ZNF721: variants seen among roughly 807,000 people sequenced by gnomAD.
ZNF721 encodes zinc finger protein 721.
Under a neutral mutation model 2.4 loss-of-function variants are expected in ZNF721, and 2 were observed. The observed-to-expected ratio is 0.82, with a 90% CI of 0.34 to 2.58. The LOEUF (loss-of-function observed/expected upper bound fraction) is 2.58, where lower values mean the gene tolerates loss of function less well. ZNF721 is among the 30% of genes most tolerant of loss of function. The pLI is 0.11. For missense variants in ZNF721, 1,187 were observed against 1,085.5 expected, an observed-to-expected ratio of 1.09 and a Z score of -1.31; for synonymous variants, 398 against 381.8, an observed-to-expected ratio of 1.04 and a Z score of -0.50.
chr4:464,497 G>GA (rs1482861882), intron 2 of ZNF721, among the ~76,000 whole-genome samples: 1 of 146,306 alleles, frequency 6.8e-6, no homozygotes, highest in African/African-American at 2.5e-5. Flanking sequence ...AAAGTCATTT[G>GA]AAAGTTCCTA....
intron 2 of ZNF721, among the ~76,000 whole-genome samples, chr4:454,549 C>G (rs1287587652): frequency 6.6e-6 from 1 of 152,164 alleles, no homozygotes; most frequent in Non-Finnish European, 1.5e-5. Context: ...CAATCACTCT[C>G]CTTGCAAAGC....
At chr4:458,706 C>T (rs938891729) in intron 2 of ZNF721, among the ~76,000 whole-genome samples, 2 of 152,034 alleles carry the variant, frequency 1.3e-5, no homozygotes, top group African/African-American at 2.4e-5. Context: ...ATTAGCAGGG[C>T]GTGGTGGCAT....
At chr4:469,760 A>G (rs1560236972) in intron 2 of ZNF721, among the ~76,000 whole-genome samples, 1 of 152,236 alleles carries the variant, frequency 6.6e-6, no homozygotes, top group Non-Finnish European at 1.5e-5. Context: ...AGAGCCCAGA[A>G]ACAAATCCAT....
intron 1 of ZNF721, among the ~76,000 whole-genome samples, chr4:477,333 G>A (rs1715651714): frequency 7.1e-6 from 1 of 140,050 alleles, no homozygotes; most frequent in South Asian, 2.3e-4. Context: ...CGCCTCCTGG[G>A]TTCATGCCAT....
chr4:485,678 G>T (rs1158319113), intron 1 of ZNF721, among the ~76,000 whole-genome samples: 1 of 152,136 alleles, frequency 6.6e-6, no homozygotes, highest in African/African-American at 2.4e-5. Context: ...CCATTGCCTG[G>T]GTCTCACTCT....
chr4:466,786 C>A (rs1553866817), intron 2 of ZNF721, among the ~76,000 whole-genome samples: 1 of 152,182 alleles, frequency 6.6e-6, no homozygotes, highest in African/African-American at 2.4e-5. Context: ...CCAGTCACCT[C>A]CCACCAGGCC....
intron 2 of ZNF721, among the ~76,000 whole-genome samples, chr4:447,659 T>C (rs1347589785): frequency 4.6e-5 from 7 of 152,152 alleles, no homozygotes; most frequent in African/African-American, 1.4e-4. Context: ...CAGGAGTCAC[T>C]TGAGATGTAA....
intron 1 of ZNF721, among the ~76,000 whole-genome samples, chr4:491,223 C>T (rs1265154726): frequency 2.0e-5 from 3 of 151,974 alleles, no homozygotes; most frequent in African/African-American, 4.8e-5. Context: ...GTCAGAAGTT[C>T]GAGACCAGCC....
intron 1 of ZNF721, among the ~76,000 whole-genome samples, chr4:481,409 C>T (rs1553869437): frequency 6.6e-6 from 1 of 152,096 alleles, no homozygotes; most frequent in African/African-American, 2.4e-5. Context: ...ATTGTGCTTT[C>T]CATTTCTCTC....
intron 2 of ZNF721, among the ~76,000 whole-genome samples, chr4:459,946 A>G (rs1382986740): frequency 1.3e-5 from 2 of 152,198 alleles, no homozygotes; most frequent in African/African-American, 4.8e-5. Context: ...AGATTCATAA[A>G]GCAAGTTTTT....
Position 443,786 on chromosome 4 carries a change from C to G in ZNF721, c.681G>C (p.Gly227=). The change falls in exon 3 of 3, where the codon GGG becomes GGC. Residue 227 remains glycine, a synonymous_variant. Coordinates refer to ENST00000511833, the MANE Select transcript of ZNF721 (RefSeq NM_133474.4). ...GDKPYKCKEC[G]KAFMHSSHLN... is the part of the protein sequence containing the mutation. ...GGTGTGAGGAATGCATAAAGGCTTT[C>G]CCACATTCTTTACATTTGTAGGGTT... 5.0e-6 allele frequency: 8 copies of G among 1,613,228 alleles called. No homozygotes were observed. In the African/African-American group the frequency reaches 5.4e-5, roughly 11 times the overall value.
intron 1 of ZNF721, among the ~76,000 whole-genome samples, chr4:480,831 G>C (rs961832861): frequency 7.1e-6 from 1 of 140,576 alleles, no homozygotes. Context: ...TGTGGGGGGG[G>C]GGGGAATGCT....
chr4:483,814 CATTT>C (rs1449503598), intron 1 of ZNF721, among the ~76,000 whole-genome samples: 1 of 151,880 alleles, frequency 6.6e-6, no homozygotes, highest in Non-Finnish European at 1.5e-5. Flanking sequence ...TAGCAATGTT[CATTT>C]GTTTGTTTGT....
intron 2 of ZNF721, among the ~76,000 whole-genome samples, chr4:468,205 T>C (rs1210016001): frequency 6.6e-6 from 1 of 151,100 alleles, no homozygotes; most frequent in Admixed American, 6.6e-5. Context: ...AGGCGGAGCT[T>C]GCAGTGAGCT....
chr4:443,838 T>G lies in ZNF721; in HGVS notation c.629A>C (p.Glu210Ala), dbSNP rs182954427. 520 of 1,613,992 alleles carry G rather than the reference T, an allele frequency of 3.2e-4. No homozygotes were observed. Among genetic ancestry groups the G allele is most frequent in the Non-Finnish European group, 4.1e-4 (480 of 1,179,916 alleles). Residue 210 changes from glutamate (E) to alanine (A), a missense_variant, in exon 3 of 3, where the codon GAA becomes GCA. Physicochemically the swap from Glu to Ala is moderately radical, Grantham distance 107. Coordinates refer to ENST00000511833, the MANE Select transcript of ZNF721 (RefSeq NM_133474.4). ...RAFGWSTNLN[E>A]YKKIHTGDKP... is the part of the protein sequence containing the mutation. ...ATCTCCAGTATGAATTTTCTTATAT[T>G]CATTCAGGTTTGTGGACCATCCAAA...
In ZNF721 at chr4:442,056, G is replaced by A. The variant is rs542073111; in HGVS notation, c.2411C>T (p.Thr804Ile). 1.1e-5 allele frequency: 17 copies of A among 1,613,948 alleles called. No individual in the cohort carries two copies. The South Asian group carries it at 1.5e-4, about 15-fold the overall frequency. Residue 804 changes from threonine to isoleucine, a missense_variant, in exon 3 of 3, where the codon ACA (threonine) becomes ATA (isoleucine). Transcript: ENST00000511833. Reference protein sequence around the residue: ...SSFAKHKRIHTGEKPFKCLEC... With the variant: ...SSFAKHKRIHIGEKPFKCLEC... Reference sequence around the variant, plus strand: ...TAAACATTTAAAGGGTTTCTCACCTGTATGAATCCTCTTATGTTTAGCAAA... The same window carrying A: ...TAAACATTTAAAGGGTTTCTCACCTATATGAATCCTCTTATGTTTAGCAAA...
chr4:452,002 G>A (rs551184021), intron 2 of ZNF721, among the ~76,000 whole-genome samples: 8 of 152,188 alleles, frequency 5.3e-5, no homozygotes, highest in African/African-American at 1.4e-4. Context: ...GTAATTTCCC[G>A]GTATAGATGG....
At chr4:474,124 G>T in intron 1 of ZNF721, 1 of 1,068,348 alleles carries the variant, frequency 9.4e-7, no homozygotes, top group Non-Finnish European at 1.3e-6. Context: ...GGCCCTAACC[G>T]AGCTCAGGCT....
chr4:446,745 G>A (rs1714488442), intron 2 of ZNF721, among the ~76,000 whole-genome samples: 1 of 151,332 alleles, frequency 6.6e-6, no homozygotes, highest in African/African-American at 2.4e-5. Flanking sequence ...CCAGGCTGGA[G>A]TGCAGCAGCA....
Sources: gnomAD v4.1 joint callset for allele counts (sites outside exome capture counted in the v4.1 genomes callset) on GRCh38, gnomAD v4.1.1 for gene constraint, MANE v1.5 for transcripts, NCBI Gene and HGNC (gene_info 2026-07-23, HGNC 2026-07-21) for gene names.